RP1: variants seen among roughly 807,000 people sequenced by gnomAD.
RP1 encodes the protein RP1 axonemal microtubule associated.
A neutral mutation model predicts 14.8 loss-of-function variants in RP1; 16 were observed. The ratio of observed to expected loss-of-function variants is 1.08; its 90% CI spans 0.73 to 1.65. The LOEUF (loss-of-function observed/expected upper bound fraction) is 1.65, where lower values mean the gene tolerates loss of function less well. Among genes scored for constraint, RP1 ranks in the 40% most tolerant of loss-of-function variants. The pLI is 0.00. For synonymous variants in RP1, 876 were observed against 883.6 expected (o/e 0.99, Z 0.15); for missense variants, 2,631 against 2,535.0 (o/e 1.04, Z -0.81).
At chr8:54,697,577 G>C (rs1334620884) in intron 12 of RP1, among the ~76,000 whole-genome samples, 1 of 151,936 alleles carries the variant, frequency 6.6e-6, no homozygotes, top group Non-Finnish European at 1.5e-5. Flanking sequence ...AGAAAAGACA[G>C]TAGCTTATGT....
chr8:54,698,646 C>T (rs762028455), intron 12 of RP1, among the ~76,000 whole-genome samples: 14 of 152,104 alleles, frequency 9.2e-5, no homozygotes, highest in South Asian at 8.3e-4. Flanking sequence ...CACAAATGTC[C>T]ATCAATGATA....
chr8:54,620,800 T>C (rs1585557240), intron 1 of RP1, among the ~76,000 whole-genome samples, 155 bp from the exon 2 acceptor site: 1 of 152,342 alleles, frequency 6.6e-6, no homozygotes, highest in East Asian at 1.9e-4. Context: ...AAAATTGTCG[T>C]TCAAAATTGA....
At chr8:54,584,275 G>C (rs1287341737) in intron 1 of RP1, among the ~76,000 whole-genome samples, 2 of 152,176 alleles carry the variant, frequency 1.3e-5, no homozygotes, top group Non-Finnish European at 2.9e-5. Flanking sequence ...AGTCATTCAG[G>C]AGCAGATTGT....
At chr8:54,596,755 T>C (rs1014579711) in intron 1 of RP1, among the ~76,000 whole-genome samples, 4 of 152,240 alleles carry the variant, frequency 2.6e-5, no homozygotes, top group African/African-American at 9.6e-5. Flanking sequence ...CTGTGTCAGA[T>C]TATTTAATTA....
chr8:54,653,489 G>A (rs1393754655), intron 5 of RP1, among the ~76,000 whole-genome samples: 1 of 152,044 alleles, frequency 6.6e-6, no homozygotes. Flanking sequence ...TTCTCAAAAT[G>A]TGCAGAAAAT....
At chr8:54,583,625 G>A (rs983046197) in intron 1 of RP1, among the ~76,000 whole-genome samples, 2 of 152,104 alleles carry the variant, frequency 1.3e-5, no homozygotes, top group Non-Finnish European at 2.9e-5. Context: ...GAATCCATCT[G>A]GTCCTGTACT....
At chr8:54,674,321 A>G (rs576849500) in intron 8 of RP1, among the ~76,000 whole-genome samples, 28 of 152,124 alleles carry the variant, frequency 1.8e-4, no homozygotes, top group Non-Finnish European at 4.4e-5. Context: ...CACGTTAAGG[A>G]GACTGTCCTG....
intron 24 of RP1, among the ~76,000 whole-genome samples, chr8:54,832,827 A>G (rs1811564788): frequency 6.6e-6 from 1 of 151,966 alleles, no homozygotes; most frequent in South Asian, 2.1e-4. Flanking sequence ...CTTTATCCTT[A>G]GTCTTGAGAG....
At chr8:54,759,219 C>G (rs1809581915) in intron 22 of RP1, 1 of 753,828 alleles carries the variant, frequency 1.3e-6, no homozygotes, top group African/African-American at 1.7e-5. Context: ...AGATTCCACA[C>G]CATGAATAAC....
At chr8:54,648,580 A>G (rs1034761191) in intron 3 of RP1, among the ~76,000 whole-genome samples, 1 of 152,098 alleles carries the variant, frequency 6.6e-6, no homozygotes, top group East Asian at 1.9e-4. Context: ...AGACATCTAA[A>G]CTCAAAAAAT....
chr8:54,664,326 T>G (rs1048054270), intron 7 of RP1, among the ~76,000 whole-genome samples: 4 of 152,198 alleles, frequency 2.6e-5, no homozygotes, highest in Non-Finnish European at 5.9e-5. Context: ...CTCCACCTCT[T>G]GGCTATTGTG....
chr8:54,790,974 G>C (rs149184361), intron 24 of RP1, among the ~76,000 whole-genome samples: 3 of 152,280 alleles, frequency 2.0e-5, no homozygotes, highest in Non-Finnish European at 4.4e-5. Context: ...AATTTGGGGA[G>C]AGAAATAGAC....
exon 23 of RP1, chr8:54,769,972 G>A (rs756636440): frequency 1.1e-5 from 6 of 547,684 alleles, no homozygotes; most frequent in Non-Finnish European, 1.6e-5. Flanking sequence ...GTAAAGCTGT[G>A]TCTTAGAAAT....
In RP1 at chr8:54,628,560, GT is replaced by G; in HGVS notation, c.4679del (p.Val1560GlufsTer3). On this transcript the variant is annotated frameshift_variant, in exon 4 of 4. Transcript: ENST00000220676. LOFTEE classifies it low-confidence loss of function (END_TRUNC). ...KETNEGETKM[V>X]KMMVKTMETG... ...GACCAATGAAGGAGAAACTAAGATG[GT>G]AAAAATGATGGTGAAAACTATGGAA... 1.2e-6 allele frequency: 2 copies of G among 1,613,910 alleles called. No individual in the cohort carries two copies. Among genetic ancestry groups the G allele is most frequent in the Non-Finnish European group, 1.7e-6 (2 of 1,179,876 alleles).
chr8:54,680,147 G>T (rs1244247662), intron 12 of RP1, among the ~76,000 whole-genome samples: 1 of 151,930 alleles, frequency 6.6e-6, no homozygotes, highest in Non-Finnish European at 1.5e-5. Flanking sequence ...ATATATATTT[G>T]GTATTAATTA....
At chr8:54,611,057 A>G (rs912007662) in intron 1 of RP1, among the ~76,000 whole-genome samples, 1 of 152,126 alleles carries the variant, frequency 6.6e-6, no homozygotes, top group Non-Finnish European at 1.5e-5. Flanking sequence ...TGAATATATC[A>G]TACTGTGCCT....
rs148543136 is a variant in RP1 at position 54,629,714 on chromosome 8, A to G, written c.5832A>G (p.Glu1944=). The change falls in exon 4 of 4, where the codon GAA becomes GAG. Residue 1944 remains glutamate (E), a synonymous_variant. Transcript: ENST00000220676. ...CATATCGCAAAGAATCTGATATTGA[A>G]AATTTCTTGGGTTTTTATTTATGGA... The part of the protein sequence containing the change: ...GFAYRKESDI[E]NFLGFYLWMK... 3.1e-6 allele frequency: 5 copies of G among 1,612,200 alleles called. No individual in the cohort carries two copies. The highest frequency in any genetic ancestry group is 1.3e-5 in the African/African-American group (1 of 74,784).
chr8:54,737,562 TCTGCCA>T (rs897617157), intron 18 of RP1, among the ~76,000 whole-genome samples: 8 of 152,304 alleles, frequency 5.3e-5, no homozygotes, highest in Middle Eastern at 3.4e-3. Context: ...GCCTCTGAGT[TCTGCCA>T]CTGAAACCAG....
intron 12 of RP1, among the ~76,000 whole-genome samples, chr8:54,680,853 G>C (rs1807409518): frequency 6.6e-6 from 1 of 151,940 alleles, no homozygotes; most frequent in South Asian, 2.1e-4. Flanking sequence ...AGCTACTGTA[G>C]AGGCTGAGGC....
Sources: allele counts gnomAD v4.1 joint callset (sites outside exome capture counted in the v4.1 genomes callset), GRCh38; gene constraint gnomAD v4.1.1; transcripts MANE v1.5; gene names NCBI Gene and HGNC (gene_info 2026-07-23, HGNC 2026-07-21).